The following KHDRBS2 variants were observed in gnomAD, a reference collection of about 807,000 sequenced individuals.
The protein encoded by KHDRBS2 is KH RNA binding domain containing, signal transduction associated 2.
Under a neutral mutation model 44.3 loss-of-function variants are expected in KHDRBS2, and 26 were observed. The ratio of observed to expected loss-of-function variants is 0.59; its 90% CI spans 0.43 to 0.81. The LOEUF is 0.81. KHDRBS2 is among the 40% of genes least tolerant of loss of function. The pLI, the probability that KHDRBS2 is intolerant of heterozygous loss-of-function variation, is 0.00. For missense variants in KHDRBS2, 476 were observed against 433.1 expected (o/e 1.10, Z -0.88); for synonymous variants, 194 against 151.1 (o/e 1.28, Z -2.08).
At chr6:61,812,331 G>A (rs544832582) in intron 6 of KHDRBS2, among the ~76,000 whole-genome samples, 7 of 152,006 alleles carry the variant, frequency 4.6e-5, no homozygotes, top group Non-Finnish European at 1.0e-4. Context: ...CTAGTACTGT[G>A]AAGAGTGCTT....
rs1296335810 is a variant in KHDRBS2, at chr6:61,798,877, G to C, written c.811-66113C>G. 2.6e-5 allele frequency among the ~76,000 whole-genome samples: 4 copies of C among 151,924 alleles called. No individual in the cohort carries two copies. In the East Asian group the frequency reaches 5.8e-4, roughly 22 times the overall value. ...ATATATTTAATACTTTAAGTAAATAGTTATATATTTATAATGGTAAGTTGT... is the reference window on the plus strand; with the variant it reads ...ATATATTTAATACTTTAAGTAAATACTTATATATTTATAATGGTAAGTTGT... On this transcript the variant is annotated intron_variant, in intron 6 of 8. Coordinates refer to ENST00000281156, the MANE Select transcript of KHDRBS2 (RefSeq NM_152688.4).
At chr6:61,545,654 T>C in the KHDRBS2 span, among the ~76,000 whole-genome samples, 1 of 151,994 alleles carries the variant, frequency 6.6e-6, no homozygotes, top group Non-Finnish European at 1.5e-5. Context: ...TAAACTGAGA[T>C]CCTCTCTGTT....
Position 61,984,056 on chromosome 6 carries a change from C to T in KHDRBS2, c.337-5844G>A, listed in dbSNP as rs112669566. ...CAAAAGCTTTCTGACTTCACATAAA[C>T]ACCAAAAGATTTATTGCTGAAACAG... On this transcript the variant is annotated intron_variant, in intron 3 of 8. Transcript: ENST00000281156. Among the ~76,000 whole-genome samples the T allele has an allele frequency of 5.5e-4, 83 of 152,272 alleles. 1 individual carries two copies. The highest frequency in any genetic ancestry group is 1.9e-3 in the African/African-American group (77 of 41,552).
intron 4 of KHDRBS2, among the ~76,000 whole-genome samples, chr6:61,937,993 T>C (rs1160885066): frequency 6.6e-6 from 1 of 152,088 alleles, no homozygotes; most frequent in Non-Finnish European, 1.5e-5. Flanking sequence ...CTTAGGTCCA[T>C]GTCAGCTAAT....
At chr6:61,900,290 G>T (rs958530070) in intron 5 of KHDRBS2, among the ~76,000 whole-genome samples, 2 of 152,004 alleles carry the variant, frequency 1.3e-5, no homozygotes, top group South Asian at 2.1e-4. Flanking sequence ...GTGGTTGAAA[G>T]TATTTGAGGT....
intron 3 of KHDRBS2, among the ~76,000 whole-genome samples, chr6:62,012,261 C>G (rs1336656322): frequency 6.6e-6 from 1 of 152,150 alleles, no homozygotes; most frequent in Non-Finnish European, 1.5e-5. Context: ...CCTGCAGATT[C>G]TGATCTCAAA....
intron 4 of KHDRBS2, among the ~76,000 whole-genome samples, chr6:61,954,597 CACATACATACTTATGTATACATAT>C (rs1286980577): frequency 2.2e-5 from 3 of 136,936 alleles, no homozygotes; most frequent in South Asian, 4.4e-4. Context: ...TGTATATATA[CACATACATACTTATGTATACATAT>C]ATATGTATAT....
chr6:62,042,712 G>A (rs1218331486), intron 3 of KHDRBS2, among the ~76,000 whole-genome samples: 1 of 152,052 alleles, frequency 6.6e-6, no homozygotes, highest in African/African-American at 2.4e-5. Flanking sequence ...TGATTTTACT[G>A]TTGATGAAAA....
At chr6:62,151,076 G>A (rs1211701129) in intron 2 of KHDRBS2, among the ~76,000 whole-genome samples, 2 of 152,066 alleles carry the variant, frequency 1.3e-5, no homozygotes, top group Admixed American at 6.6e-5. Flanking sequence ...CAGGGTCAGG[G>A]GTGGGAGCAT....
At chr6:62,225,090 T>C (rs1374461075) in intron 1 of KHDRBS2, among the ~76,000 whole-genome samples, 1 of 152,126 alleles carries the variant, frequency 6.6e-6, no homozygotes, top group African/African-American at 2.4e-5. Flanking sequence ...GCTACCAGGA[T>C]CTAGTGGGTA....
intron 6 of KHDRBS2, among the ~76,000 whole-genome samples, chr6:61,855,520 T>C (rs1715040): frequency 0.57 from 86,163 of 150,624 alleles, 24,778 homozygotes; most frequent in South Asian, 0.68. Flanking sequence ...TAGACCCTCA[T>C]GATATATTAG....
chr6:62,070,581 C>A (rs1048803952), intron 2 of KHDRBS2, among the ~76,000 whole-genome samples: 3 of 151,678 alleles, frequency 2.0e-5, no homozygotes, highest in African/African-American at 7.3e-5. Context: ...TGAGTGAGAA[C>A]ACGCGGTGTT....
chr6:61,826,434 G>A (rs1310020223), intron 6 of KHDRBS2, among the ~76,000 whole-genome samples: 1 of 152,098 alleles, frequency 6.6e-6, no homozygotes, highest in Admixed American at 6.6e-5. Flanking sequence ...CTGATAGCCA[G>A]TCTCTCATGG....
chr6:62,266,763 A>G (rs1839268668), intron 1 of KHDRBS2, among the ~76,000 whole-genome samples: 1 of 152,132 alleles, frequency 6.6e-6, no homozygotes, highest in Non-Finnish European at 1.5e-5. Flanking sequence ...AAGCAAAAAT[A>G]AAGATGTCAA....
chr6:61,741,611 T>C (rs1173415373), intron 6 of KHDRBS2, among the ~76,000 whole-genome samples: 1 of 151,898 alleles, frequency 6.6e-6, no homozygotes, highest in Non-Finnish European at 1.5e-5. Flanking sequence ...AGTTTTTCTT[T>C]ACCTATTTAA....
At chr6:61,728,830 T>C (rs1338230779) in intron 7 of KHDRBS2, among the ~76,000 whole-genome samples, 1 of 152,190 alleles carries the variant, frequency 6.6e-6, no homozygotes, top group East Asian at 1.9e-4. Context: ...TTTTTTACTA[T>C]ATTTTCTTTT....
At chr6:61,584,424 T>A in the KHDRBS2 span, among the ~76,000 whole-genome samples, 3 of 152,030 alleles carry the variant, frequency 2.0e-5, no homozygotes, top group Middle Eastern at 0.01. Flanking sequence ...TGGGTAGTTA[T>A]CAAAAACACC....
intron 1 of KHDRBS2, among the ~76,000 whole-genome samples, chr6:62,264,871 G>C (rs1156262521): frequency 6.6e-6 from 1 of 151,666 alleles, no homozygotes; most frequent in Non-Finnish European, 1.5e-5. Flanking sequence ...TAAAGGTCCT[G>C]CTGTCTTCCT....
At chr6:61,555,708 G>C in the KHDRBS2 span, among the ~76,000 whole-genome samples, 1 of 152,140 alleles carries the variant, frequency 6.6e-6, no homozygotes, top group South Asian at 2.1e-4. Flanking sequence ...TATCTTCTTT[G>C]ATGCCCTTAG....
Sources: gnomAD v4.1 joint callset for allele counts (sites outside exome capture counted in the v4.1 genomes callset) on GRCh38, gnomAD v4.1.1 for gene constraint, MANE v1.5 for transcripts, NCBI Gene and HGNC (gene_info 2026-07-23, HGNC 2026-07-21) for gene names.